Variants in SLC24A3 observed in about 807,000 individuals in gnomAD.
SLC24A3 encodes solute carrier family 24 member 3.
A neutral mutation model predicts 75.8 loss-of-function variants in SLC24A3; 28 were observed. The ratio of observed to expected loss-of-function variants is 0.37; its 90% CI spans 0.27 to 0.51. The LOEUF (loss-of-function observed/expected upper bound fraction) is 0.51. SLC24A3 is among the 20% of genes least tolerant of loss of function. SLC24A3 has a pLI of 0.94. For missense variants in SLC24A3, 663 were observed against 847.8 expected, an observed-to-expected ratio of 0.78 and a Z score of 2.71; for synonymous variants, 372 against 334.1, an observed-to-expected ratio of 1.11 and a Z score of -1.24.
At chr20:19,545,839 A>G (rs538964700) in intron 3 of SLC24A3, among the ~76,000 whole-genome samples, 1 of 152,184 alleles carries the variant, frequency 6.6e-6, no homozygotes, top group Admixed American at 6.5e-5. Context: ...GGACGTAAAC[A>G]CCATTCCTTA....
intron 2 of SLC24A3, among the ~76,000 whole-genome samples, chr20:19,484,204 A>T (rs1988097195): frequency 6.6e-6 from 1 of 152,210 alleles, no homozygotes; most frequent in Non-Finnish European, 1.5e-5. Flanking sequence ...ATATTTGCGT[A>T]TGCATAATGA....
chr20:19,460,008 G>A (rs1048580054), intron 2 of SLC24A3, among the ~76,000 whole-genome samples: 8 of 152,234 alleles, frequency 5.3e-5, no homozygotes, highest in African/African-American at 1.9e-4. Flanking sequence ...CCTAGGGGAT[G>A]CTGATACTGC....
intron 2 of SLC24A3, among the ~76,000 whole-genome samples, chr20:19,324,087 A>G (rs1984782003): frequency 6.6e-6 from 1 of 152,164 alleles, no homozygotes; most frequent in Non-Finnish European, 1.5e-5. Flanking sequence ...TGATGACTGA[A>G]CAAGCTTGGT....
intron 3 of SLC24A3, among the ~76,000 whole-genome samples, chr20:19,560,246 A>T (rs2030854550): frequency 6.6e-6 from 1 of 152,226 alleles, no homozygotes; most frequent in Non-Finnish European, 1.5e-5. Flanking sequence ...CCTGCGGAAG[A>T]GTCTCAGAGG....
At chr20:19,449,475 T>A (rs1987444810) in intron 2 of SLC24A3, among the ~76,000 whole-genome samples, 1 of 152,210 alleles carries the variant, frequency 6.6e-6, no homozygotes, top group African/African-American at 2.4e-5. Flanking sequence ...GGGGCTTGAA[T>A]CAGGAATTTA....
chr20:19,453,180 GAAC>G (rs920207930), intron 2 of SLC24A3, among the ~76,000 whole-genome samples: 3 of 151,514 alleles, frequency 2.0e-5, no homozygotes, highest in Admixed American at 1.3e-4. Flanking sequence ...ACTCTGCCTC[GAAC>G]AACAACAACA....
chr20:19,334,126 T>C (rs900651132), intron 2 of SLC24A3, among the ~76,000 whole-genome samples: 2 of 151,684 alleles, frequency 1.3e-5, no homozygotes, highest in African/African-American at 4.8e-5. Flanking sequence ...AAACAAAACA[T>C]GTAAATGGGT....
intron 6 of SLC24A3, among the ~76,000 whole-genome samples, chr20:19,644,780 C>G (rs994561551): frequency 2.0e-5 from 3 of 152,200 alleles, no homozygotes; most frequent in African/African-American, 4.8e-5. Flanking sequence ...CCTCCTGCCC[C>G]CTTCTCCAGG....
chr20:19,302,839 A>G (rs981988171), intron 2 of SLC24A3, among the ~76,000 whole-genome samples: 1 of 152,056 alleles, frequency 6.6e-6, no homozygotes, highest in African/African-American at 2.4e-5. Flanking sequence ...TTCATCCCCC[A>G]GTAATCAATA....
chr20:19,560,048 T>A (rs1446809027), intron 3 of SLC24A3, among the ~76,000 whole-genome samples: 1 of 152,144 alleles, frequency 6.6e-6, no homozygotes, highest in African/African-American at 2.4e-5. Context: ...AATAATTGTC[T>A]CTCATGACAG....
intron 3 of SLC24A3, among the ~76,000 whole-genome samples, chr20:19,579,605 CA>C (rs1241621197): frequency 6.6e-6 from 1 of 152,070 alleles, no homozygotes; most frequent in African/African-American, 2.4e-5. Flanking sequence ...CAGGAAAAAC[CA>C]AAGAGATAAA....
At chr20:19,429,218 C>T (rs556012954) in intron 2 of SLC24A3, among the ~76,000 whole-genome samples, 72 of 152,344 alleles carry the variant, frequency 4.7e-4, no homozygotes, top group African/African-American at 1.7e-3. Context: ...CTCCACTATT[C>T]TCACCTTTAC....
chr20:19,658,728 T>C (rs188248240), intron 7 of SLC24A3, among the ~76,000 whole-genome samples: 2 of 152,270 alleles, frequency 1.3e-5, no homozygotes, highest in Non-Finnish European at 1.5e-5. Context: ...CAGTCTCTTT[T>C]TGCAAGACAG....
At chr20:19,709,020 G>C (rs2032960545) in intron 15 of SLC24A3, among the ~76,000 whole-genome samples, 1 of 152,142 alleles carries the variant, frequency 6.6e-6, no homozygotes, top group African/African-American at 2.4e-5. Context: ...GGAGCAGTAT[G>C]AGAGTGGAGA....
At chr20:19,627,229 G>T (rs1262627420) in intron 6 of SLC24A3, among the ~76,000 whole-genome samples, 1 of 152,164 alleles carries the variant, frequency 6.6e-6, no homozygotes, top group Non-Finnish European at 1.5e-5. Context: ...ATCTGTCTGT[G>T]TTGTTTCTTA....
At chr20:19,534,409 T>TTTGTG (rs2030358542) in intron 3 of SLC24A3, among the ~76,000 whole-genome samples, 1 of 10,764 alleles carries the variant, frequency 9.3e-5, no homozygotes, top group Non-Finnish European at 2.9e-4. Flanking sequence ...TGTTGTTGTT[T>TTTGTG]TTTTGTTTTG....
chr20:19,679,832 G>A (rs1436939028), intron 9 of SLC24A3, among the ~76,000 whole-genome samples: 1 of 152,000 alleles, frequency 6.6e-6, no homozygotes, highest in East Asian at 1.9e-4. Context: ...AGAATTGGTG[G>A]CCCATGACTT....
At chr20:19,256,098 CTAATAATAA>C (rs3058400) in intron 1 of SLC24A3, among the ~76,000 whole-genome samples, 99 of 149,422 alleles carry the variant, frequency 6.6e-4, no homozygotes, top group African/African-American at 2.2e-3. Flanking sequence ...GACCCTGTCT[CTAATAATAA>C]TAATAATAAT....
chr20:19,322,890 T>C (rs1984746216), intron 2 of SLC24A3, among the ~76,000 whole-genome samples: 1 of 152,058 alleles, frequency 6.6e-6, no homozygotes, highest in Non-Finnish European at 1.5e-5. Context: ...GGAACCCATT[T>C]TGGATGAAGA....
Sources: gnomAD v4.1 joint callset for allele counts (sites outside exome capture counted in the v4.1 genomes callset) on GRCh38, gnomAD v4.1.1 for gene constraint, MANE v1.5 for transcripts, NCBI Gene and HGNC (gene_info 2026-07-23, HGNC 2026-07-21) for gene names.